Variants in GPR37 observed in about 807,000 individuals in gnomAD.
GPR37 encodes prosaposin receptor GPR37.
A neutral mutation model predicts 43.6 loss-of-function variants in GPR37; 20 were observed. The ratio of observed to expected loss-of-function variants is 0.46; its 90% confidence interval spans 0.32 to 0.67. The LOEUF (loss-of-function observed/expected upper bound fraction) is 0.67, where lower values mean the gene tolerates loss of function less well. GPR37 is among the 30% of genes least tolerant of loss of function. The pLI, the probability that GPR37 is intolerant of heterozygous loss-of-function variation, is 0.03. For missense variants in GPR37, 724 were observed against 797.2 expected (o/e 0.91, Z 1.11); for synonymous variants, 315 against 322.6 (o/e 0.98, Z 0.25).
At chr7:124,757,727 T>G (rs1008310244) in intron 1 of GPR37, among the ~76,000 whole-genome samples, 1 of 152,206 alleles carries the variant, frequency 6.6e-6, no homozygotes, top group African/African-American at 2.4e-5. Flanking sequence ...CATCATGGTG[T>G]AGAACATTAC....
Position 124,757,848 on chromosome 7 carries a change from G to A in GPR37, c.1023+6106C>T, listed in dbSNP as rs1290639139. On this transcript the variant is annotated intron_variant, in intron 1 of 1. Coordinates refer to ENST00000303921, the MANE Select transcript of GPR37 (RefSeq NM_005302.5). Reference sequence around the variant, plus strand: ...TCCTGCCCACTCCTAATAGTACCTCGCATAGAAGAAAAGCCAGGTAAACAT... The same window carrying A: ...TCCTGCCCACTCCTAATAGTACCTCACATAGAAGAAAAGCCAGGTAAACAT... Among the ~76,000 whole-genome samples, 7 of 151,918 alleles carry A rather than the reference G, an allele frequency of 4.6e-5. 1 individual carries two copies. The highest frequency in any genetic ancestry group is 4.2e-4 in the South Asian group (2 of 4,816).
Position 124,745,713 on chromosome 7 carries a change from T to G in GPR37, c.*812A>C, listed in dbSNP as rs1793663080. Among the ~76,000 whole-genome samples, 3 of 152,160 alleles carry G rather than the reference T, an allele frequency of 2.0e-5. No individual in the cohort carries two copies. The South Asian group carries it at 6.2e-4, about 32-fold the overall frequency. On this transcript the variant is annotated 3_prime_UTR_variant, in exon 2 of 2. Coordinates refer to ENST00000303921, the MANE Select transcript of GPR37 (RefSeq NM_005302.5). ...CTGCCCATAATTCCCCAAGGGAAAA[T>G]CTGTAGCTCTATGTGCTAGTTCAGA...
At chr7:124,761,613 T>G (rs1214041753) in intron 1 of GPR37, among the ~76,000 whole-genome samples, 1 of 152,130 alleles carries the variant, frequency 6.6e-6, no homozygotes, top group African/African-American at 2.4e-5. Context: ...CCCCAATAAA[T>G]CTACATCTCA....
chr7:124,763,816 G>T, intron 1 of GPR37, 138 bp downstream of exon 1: 2 of 764,428 alleles, frequency 2.6e-6, no homozygotes, highest in South Asian at 1.7e-5. Flanking sequence ...ATAAATGATT[G>T]GAAAGAGAAA....
intron 1 of GPR37, among the ~76,000 whole-genome samples, chr7:124,754,625 T>C (rs958393378): frequency 1.3e-5 from 2 of 152,164 alleles, no homozygotes; most frequent in Non-Finnish European, 2.9e-5. Flanking sequence ...AACCAAGTTC[T>C]TGTTAACTGC....
chr7:124,762,119 T>C (rs1040178438), intron 1 of GPR37, among the ~76,000 whole-genome samples: 2 of 151,860 alleles, frequency 1.3e-5, no homozygotes, highest in African/African-American at 4.8e-5. Context: ...GAAATACAAA[T>C]GAAAGAAAGT....
intron 1 of GPR37, among the ~76,000 whole-genome samples, chr7:124,760,972 A>G (rs1379367401): frequency 1.3e-5 from 2 of 152,106 alleles, no homozygotes; most frequent in Middle Eastern, 3.2e-3. Context: ...CCTGGCCAAC[A>G]TGGTGAAAGC....
rs556616401 is a variant in GPR37 at position 124,764,949 on chromosome 7, G to A, written c.28C>T (p.Arg10Cys). The A allele has an allele frequency of 4.4e-4, 672 of 1,511,104 alleles. 10 individuals are homozygous for A. In the South Asian group the frequency reaches 7.0e-3, roughly 16 times the overall value. 93.6% of individuals were successfully genotyped at this position (1,511,104 alleles called of 1,614,324 possible). The change falls in exon 1 of 2, where the codon CGC becomes TGC. Residue 10 changes from arginine to cysteine, a missense_variant. By Grantham distance (180) the Arg-to-Cys change is radical. Around this residue, in one of 2 missense-constraint regions of GPR37, gnomAD observed 382 missense variants for 355.4 expected, o/e 1.07. Transcript: ENST00000303921. This position sits in a 1 kb window ranked among gnomAD's most constrained non-coding sequence, Gnocchi z 5.4. Reference protein sequence around the residue: MRAPGALLARMSRLLLLLLL... With the variant: MRAPGALLACMSRLLLLLLL... Reference sequence around the variant, plus strand: ...AGCAGAAGCAGTAGCCGCGACATGCGGGCGAGAAGCGCGCCCGGGGCTCGC... The same window carrying A: ...AGCAGAAGCAGTAGCCGCGACATGCAGGCGAGAAGCGCGCCCGGGGCTCGC...
At position 124,747,196 on chromosome 7, in the gene GPR37, G is replaced by A; in HGVS notation, c.1171C>T (p.Leu391=). The change falls in exon 2 of 2, where the codon CTA becomes TTA. Residue 391 remains leucine (L), a synonymous_variant. Transcript: ENST00000303921. ...ACAACTTCTGGAAGTGCTAACAATA[G>A]AGCTCCCACCCATATAACAGCAAGT... ...AKLAVIWVGA[L]LLALPEVVLR... is the part of the protein sequence containing the mutation. 6.2e-7 allele frequency: 1 copy of A among 1,613,934 alleles called. No individual in the cohort carries two copies. Among genetic ancestry groups the A allele is most frequent in the East Asian group, 2.2e-5 (1 of 44,860 alleles).
intron 1 of GPR37, among the ~76,000 whole-genome samples, chr7:124,754,398 G>A (rs1450553718): frequency 2.0e-5 from 3 of 152,102 alleles, no homozygotes; most frequent in African/African-American, 4.8e-5. Flanking sequence ...AGAGTAAGAC[G>A]TGAAGTAGAC....
At position 124,746,815 on chromosome 7, in the gene GPR37, T is replaced by G; in HGVS notation, c.1552A>C (p.Met518Leu). ...ENICNIVTAY[M>L]ATGVSQQTMD... ...GTCTGCTGTGAAACCCCTGTAGCCATGTAGGCAGTAACAATGTTGCAGATA... is the reference window on the plus strand; with the variant it reads ...GTCTGCTGTGAAACCCCTGTAGCCAGGTAGGCAGTAACAATGTTGCAGATA... The change falls in exon 2 of 2, where the codon ATG (methionine) becomes CTG (leucine). Residue 518 changes from methionine to leucine, a missense_variant. Coordinates refer to ENST00000303921, the MANE Select transcript of GPR37 (RefSeq NM_005302.5). 6.2e-7 allele frequency: 1 copy of G among 1,614,074 alleles called. No individual in the cohort carries two copies.
At position 124,745,790 on chromosome 7, in the gene GPR37, T is replaced by C. The variant is rs1793663834; in HGVS notation, c.*735A>G. Reference sequence around the variant, plus strand: ...CTTCCTACTCTGCTATTTATTCATATTTTATAAGTATTCAGAAGTAATTTG... The same window carrying C: ...CTTCCTACTCTGCTATTTATTCATACTTTATAAGTATTCAGAAGTAATTTG... On this transcript the variant is annotated 3_prime_UTR_variant, in exon 2 of 2. Coordinates refer to ENST00000303921, the MANE Select transcript of GPR37 (RefSeq NM_005302.5). Among the ~76,000 whole-genome samples, 1 of 152,202 alleles carries C rather than the reference T, an allele frequency of 6.6e-6. No homozygotes were observed. Among genetic ancestry groups the C allele is most frequent in the Non-Finnish European group, 1.5e-5 (1 of 68,026 alleles).
chr7:124,758,608 C>T (rs1035847912), intron 1 of GPR37, among the ~76,000 whole-genome samples: 5 of 152,178 alleles, frequency 3.3e-5, no homozygotes, highest in African/African-American at 1.2e-4. Flanking sequence ...TCTTTCTTGT[C>T]AGTGCTAGCT....
At chr7:124,756,334 A>C (rs967463374) in intron 1 of GPR37, among the ~76,000 whole-genome samples, 1 of 152,232 alleles carries the variant, frequency 6.6e-6, no homozygotes, top group Admixed American at 6.5e-5. Context: ...CCTTGGCCTC[A>C]TTAATGAATG....
chr7:124,747,420 G>T, intron 1 of GPR37, 77 bp from the exon 2 acceptor site: 1 of 882,026 alleles, frequency 1.1e-6, no homozygotes, highest in Non-Finnish European at 1.7e-6. Flanking sequence ...ATGCAGATTG[G>T]CAAAACTGTA....
rs760503220 is a variant in GPR37, at chr7:124,764,648, G to C, written c.329C>G (p.Pro110Arg). 4 of 1,583,466 alleles carry C rather than the reference G, an allele frequency of 2.5e-6. No homozygotes were observed. The African/African-American group carries it at 4.1e-5, about 16-fold the overall frequency. The change falls in exon 1 of 2, where the codon CCG (proline) becomes CGG (arginine). Residue 110 changes from proline (P) to arginine (R), a missense_variant. Pro to Arg is a moderately radical substitution (Grantham distance 103, BLOSUM62 -2). Transcript: ENST00000303921. The surrounding 1 kb of genome is among the most constrained non-coding windows in gnomAD (Gnocchi z 5.4). ...GCCAGGTGGCCTGGTTGGAGGTCCC[G>C]GGGGTCCGGCTGCCGACGCCTCCGC... ...RGAEASAAGP[P>R]GPPTRPPGPW...
At chr7:124,758,405 T>A (rs1793814644) in intron 1 of GPR37, among the ~76,000 whole-genome samples, 1 of 152,206 alleles carries the variant, frequency 6.6e-6, no homozygotes, top group Non-Finnish European at 1.5e-5. Context: ...TTAGTAACTT[T>A]AAAATTGCTC....
chr7:124,764,073 T>G lies in GPR37; in HGVS notation c.904A>C (p.Asn302His). The change falls in exon 1 of 2, where the codon AAC becomes CAC. Residue 302 changes from asparagine to histidine, a missense_variant. Coordinates refer to ENST00000303921, the MANE Select transcript of GPR37 (RefSeq NM_005302.5). This position sits in a 1 kb window ranked among gnomAD's most constrained non-coding sequence, Gnocchi z 5.4. ...MRSISNSLLA[N>H]LAFWDFLIIF... Reference sequence around the variant, plus strand: ...ATGAGAAAGTCCCAGAAGGCCAGGTTGGCCAAGAGGGAGTTGGAGATGCTC... The same window carrying G: ...ATGAGAAAGTCCCAGAAGGCCAGGTGGGCCAAGAGGGAGTTGGAGATGCTC... 6.2e-7 allele frequency: 1 copy of G among 1,614,158 alleles called. No homozygotes were observed. Among genetic ancestry groups the G allele is most frequent in the Non-Finnish European group, 8.5e-7 (1 of 1,180,006 alleles).
chr7:124,765,128 C>A lies in GPR37; in HGVS notation c.-152G>T, dbSNP rs1194808418. 3.0e-6 allele frequency: 2 copies of A among 662,872 alleles called. No individual in the cohort carries two copies. The highest frequency in any genetic ancestry group is 3.6e-5 in the Admixed American group (1 of 28,068). The allele number at this position is 662,872 out of a possible 1,614,324, so 41.1% of individuals were successfully genotyped here. ...GGAGATTAGGGTGATAGCGGAAGAT[C>A]GGTCTTGGGGGTCACACACACGCCC... On this transcript the variant is annotated 5_prime_UTR_variant, in exon 1 of 2. Coordinates refer to ENST00000303921, the MANE Select transcript of GPR37 (RefSeq NM_005302.5).
Sources: gnomAD v4.1 joint callset for allele counts (sites outside exome capture counted in the v4.1 genomes callset) on GRCh38, gnomAD v4.1.1 for gene constraint, gnomAD v4.1.1 regional missense constraint, Gnocchi (gnomAD v3.1) non-coding constraint, MANE v1.5 for transcripts, NCBI Gene and HGNC (gene_info 2026-07-23, HGNC 2026-07-21) for gene names.